The following RBMS3 variants were observed in gnomAD, a reference collection of about 807,000 sequenced individuals.
RBMS3 encodes the protein RNA-binding motif, single-stranded-interacting protein 3.
RBMS3 carries 27 observed loss-of-function variants against 66.8 expected under a neutral mutation model. The ratio of observed to expected loss-of-function variants is 0.40; its 90% CI spans 0.30 to 0.56. RBMS3 has a LOEUF of 0.56. Among genes scored for constraint, RBMS3 ranks in the 20% least tolerant of loss-of-function variants. The pLI is 0.40. For synonymous variants in RBMS3, 188 were observed against 183.0 expected (o/e 1.03, Z -0.22); for missense variants, 513 against 549.5 (o/e 0.93, Z 0.66).
intron 6 of RBMS3, among the ~76,000 whole-genome samples, chr3:29,859,648 G>A (rs142253637): frequency 3.3e-5 from 5 of 152,172 alleles, no homozygotes; most frequent in East Asian, 3.8e-4. Context: ...ACCTAGCTAC[G>A]CCTTGCTTGT....
Position 29,596,926 on chromosome 3 carries a change from C to G in RBMS3, c.399+9721C>G, listed in dbSNP as rs556855778. The stretch of plus-strand genomic sequence containing the variant: ...TTGTGACCTCAAACTGAATTTTGCA[C>G]AGAAATAGTCCTTTAATTCACTATC... On this transcript the variant is annotated intron_variant, in intron 4 of 14. Coordinates refer to ENST00000383767, the MANE Select transcript of RBMS3 (RefSeq NM_001003793.3). Among the ~76,000 whole-genome samples, 9 of 152,266 alleles carry G rather than the reference C, an allele frequency of 5.9e-5. No individual in the cohort carries two copies. The South Asian group carries it at 1.9e-3, about 32-fold the overall frequency.
At chr3:29,676,476 C>T (rs1297479476) in intron 4 of RBMS3, among the ~76,000 whole-genome samples, 2 of 152,076 alleles carry the variant, frequency 1.3e-5, no homozygotes, top group African/African-American at 4.8e-5. Context: ...ACCTGTTACG[C>T]CTCTCTTCCA....
At chr3:29,703,458 A>C (rs1212576214) in intron 4 of RBMS3, among the ~76,000 whole-genome samples, 1 of 152,216 alleles carries the variant, frequency 6.6e-6, no homozygotes, top group African/African-American at 2.4e-5. Context: ...TAAGGAGAAC[A>C]TCTGAATATC....
At chr3:29,328,051 G>C (rs1313418201) in intron 1 of RBMS3, among the ~76,000 whole-genome samples, 2 of 152,136 alleles carry the variant, frequency 1.3e-5, no homozygotes, top group African/African-American at 4.8e-5. Context: ...TGCCCACTTA[G>C]GTGGCACTTA....
chr3:29,772,139 C>A (rs1438732509), intron 6 of RBMS3, among the ~76,000 whole-genome samples: 1 of 152,000 alleles, frequency 6.6e-6, no homozygotes, highest in East Asian at 1.9e-4. Flanking sequence ...CAGGAGGCAG[C>A]CTTTGGAAGC....
At position 29,727,500 on chromosome 3, in the gene RBMS3, G is replaced by A. The variant is rs2053936488; in HGVS notation, c.400-12220G>A. Among the ~76,000 whole-genome samples, 4 of 151,748 alleles carry A rather than the reference G, an allele frequency of 2.6e-5. No individual in the cohort carries two copies. The South Asian group carries it at 8.3e-4, about 32-fold the overall frequency. The stretch of plus-strand genomic sequence containing the variant: ...AGGTCTAATATCCAGAATGTACAAG[G>A]AACTTAAATTTACAAGAAAAAAACA... On this transcript the variant is annotated intron_variant, in intron 4 of 14. Transcript: ENST00000383767.
At chr3:29,514,681 G>A (rs1231772065) in intron 3 of RBMS3, among the ~76,000 whole-genome samples, 2 of 78,474 alleles carry the variant, frequency 2.5e-5, no homozygotes, top group African/African-American at 1.6e-4. Flanking sequence ...ATATATATAT[G>A]ATAGGCATAC....
chr3:29,897,480 G>A lies in RBMS3; in HGVS notation c.888+5G>A, dbSNP rs765245946. The A allele has an allele frequency of 1.2e-6, 2 of 1,605,694 alleles. No homozygotes were observed. Among genetic ancestry groups the A allele is most frequent in the Non-Finnish European group, 1.7e-6 (2 of 1,173,228 alleles). On this transcript the variant is annotated splice_donor_5th_base_variant and intron_variant, in intron 9 of 14. Transcript: ENST00000383767. ...TCCCCTGTCTCCACATACCAGGTAT[G>A]TCCAATTTACCTGCACCTTAGGAGA...
chr3:29,889,556 A>G (rs1002527376), intron 8 of RBMS3, among the ~76,000 whole-genome samples: 1 of 151,642 alleles, frequency 6.6e-6, no homozygotes, highest in African/African-American at 2.4e-5. Context: ...AGTACCTTTC[A>G]TAAGACTTTG....
intron 6 of RBMS3, among the ~76,000 whole-genome samples, chr3:29,817,187 C>CTTTTATTTTT (rs2057933491): frequency 1.2e-5 from 1 of 80,584 alleles, no homozygotes; most frequent in African/African-American, 6.0e-5. Context: ...TCCAAATTTT[C>CTTTTATTTTT]TTTTCTTTTT....
At chr3:29,298,248 T>C (rs2033422983) in intron 1 of RBMS3, among the ~76,000 whole-genome samples, 1 of 151,896 alleles carries the variant, frequency 6.6e-6, no homozygotes, top group African/African-American at 2.4e-5. Context: ...CACTGAGCAA[T>C]ATATTTTGGG....
chr3:29,741,035 C>A, intron 5 of RBMS3, among the ~76,000 whole-genome samples: 1 of 141,630 alleles, frequency 7.1e-6, no homozygotes, highest in African/African-American at 2.8e-5. Flanking sequence ...AGCGAGACTC[C>A]ATCTCAAAAA....
intron 2 of RBMS3, among the ~76,000 whole-genome samples, chr3:29,468,534 G>A (rs759738348): frequency 1.3e-5 from 2 of 152,082 alleles, no homozygotes; most frequent in Non-Finnish European, 2.9e-5. Context: ...AGTACAGAAA[G>A]CCTTATAATA....
At position 29,424,988 on chromosome 3, in the gene RBMS3, A is replaced by T. The variant is rs566925202; in HGVS notation, c.76-9755A>T. Among the ~76,000 whole-genome samples, 17 of 152,090 alleles carry T rather than the reference A, an allele frequency of 1.1e-4. No individual in the cohort carries two copies. The South Asian group carries it at 3.5e-3, about 32-fold the overall frequency. ...ATTGTAGCTTATCACTGCATATTTTATGTAGCTCTTTAAGCTACATCCATT... is the reference window on the plus strand; with the variant it reads ...ATTGTAGCTTATCACTGCATATTTTTTGTAGCTCTTTAAGCTACATCCATT... On this transcript the variant is annotated intron_variant, in intron 1 of 14. Transcript: ENST00000383767.
intron 6 of RBMS3, among the ~76,000 whole-genome samples, chr3:29,765,538 T>G (rs146922623): frequency 6.6e-6 from 1 of 152,120 alleles, no homozygotes; most frequent in Non-Finnish European, 1.5e-5. Context: ...GTGTTCTGCC[T>G]TATCAAGATT....
At chr3:29,928,599 A>T (rs1200274518) in intron 10 of RBMS3, among the ~76,000 whole-genome samples, 1 of 151,698 alleles carries the variant, frequency 6.6e-6, no homozygotes, top group African/African-American at 2.4e-5. Flanking sequence ...TCACACAAAT[A>T]GTCTCATTTT....
At chr3:29,817,048 A>G (rs2057928763) in intron 6 of RBMS3, among the ~76,000 whole-genome samples, 1 of 152,056 alleles carries the variant, frequency 6.6e-6, no homozygotes, top group Non-Finnish European at 1.5e-5. Context: ...CCGAGATCGA[A>G]CCACTGCACT....
At chr3:29,832,623 A>C (rs1437977219) in intron 6 of RBMS3, among the ~76,000 whole-genome samples, 1 of 152,182 alleles carries the variant, frequency 6.6e-6, no homozygotes, top group Non-Finnish European at 1.5e-5. Flanking sequence ...GTAAGTGTCC[A>C]GTTCCCCTAG....
chr3:29,989,792 A>G (rs1463725465), intron 13 of RBMS3, among the ~76,000 whole-genome samples: 4 of 152,206 alleles, frequency 2.6e-5, no homozygotes, highest in Admixed American at 6.5e-5. Flanking sequence ...ATTAAATTTC[A>G]TGTTCTTTGG....
Sources: gnomAD v4.1 joint callset for allele counts (sites outside exome capture counted in the v4.1 genomes callset) on GRCh38, gnomAD v4.1.1 for gene constraint, MANE v1.5 for transcripts, NCBI Gene and HGNC (gene_info 2026-07-23, HGNC 2026-07-21) for gene names.